The following HDAC9 variants were observed in gnomAD, a reference collection of about 807,000 sequenced individuals.
HDAC9 encodes histone deacetylase 9.
Under a neutral mutation model 139.4 loss-of-function variants are expected in HDAC9, and 41 were observed. The observed-to-expected ratio is 0.29, with a 90% CI of 0.23 to 0.38. HDAC9 has a LOEUF of 0.38. Ranked by LOEUF, HDAC9 falls within the 10% of genes least tolerant of loss-of-function variation. The pLI is 1.00. For synonymous variants in HDAC9, 517 were observed against 476.2 expected, an observed-to-expected ratio of 1.09 and a Z score of -1.12; for missense variants, 1,147 against 1,297.0, an observed-to-expected ratio of 0.88 and a Z score of 1.78.
At chr7:18,657,673 C>T (rs1043670295) in intron 11 of HDAC9, among the ~76,000 whole-genome samples, 4 of 152,144 alleles carry the variant, frequency 2.6e-5, no homozygotes, top group African/African-American at 9.7e-5. Context: ...AAGAATTCCA[C>T]ACTCTTGCTG....
intron 2 of HDAC9, among the ~76,000 whole-genome samples, chr7:18,182,680 T>C (rs888168780): frequency 7.9e-5 from 12 of 152,226 alleles, no homozygotes; most frequent in African/African-American, 2.7e-4. Context: ...GAGGGGTTAG[T>C]TATCTTGCTC....
intron 1 of HDAC9, among the ~76,000 whole-genome samples, chr7:18,429,998 A>G (rs1252972421): frequency 1.3e-5 from 2 of 152,224 alleles, no homozygotes; most frequent in Non-Finnish European, 2.9e-5. Flanking sequence ...CATTTCATAC[A>G]TTAGGTATTT....
chr7:18,956,940 G>A (rs138579511), intron 24 of HDAC9, among the ~76,000 whole-genome samples: 181 of 152,202 alleles, frequency 1.2e-3, no homozygotes, highest in African/African-American at 4.0e-3. Context: ...TTCTTACTGC[G>A]TTTTAAAGAA....
chr7:18,565,367 T>G (rs1821964461), intron 2 of HDAC9, among the ~76,000 whole-genome samples: 1 of 152,206 alleles, frequency 6.6e-6, no homozygotes, highest in Non-Finnish European at 1.5e-5. Context: ...AATCCAAATA[T>G]TTTTCAAAGG....
At chr7:18,362,563 G>A (rs980270915) in intron 1 of HDAC9, among the ~76,000 whole-genome samples, 2 of 152,194 alleles carry the variant, frequency 1.3e-5, no homozygotes, top group East Asian at 3.9e-4. Flanking sequence ...AATGTTAAGT[G>A]TACTAGCAGT....
intron 1 of HDAC9, among the ~76,000 whole-genome samples, chr7:18,343,573 A>G (rs1014317573): frequency 4.6e-5 from 7 of 151,726 alleles, no homozygotes; most frequent in Admixed American, 3.3e-4. Flanking sequence ...ACTCAAAATT[A>G]AAACAGAAAT....
intron 6 of HDAC9, among the ~76,000 whole-genome samples, chr7:18,616,160 T>C (rs903051585): frequency 7.2e-5 from 11 of 152,176 alleles, no homozygotes; most frequent in African/African-American, 2.7e-4. Flanking sequence ...TCCAAGTTAA[T>C]CTTTTTTAAG....
intron 12 of HDAC9, among the ~76,000 whole-genome samples, chr7:18,669,291 T>C (rs978866920): frequency 1.3e-5 from 2 of 151,880 alleles, no homozygotes; most frequent in African/African-American, 4.8e-5. Flanking sequence ...CCAAGTGTCG[T>C]AATAATTATG....
rs75212640 is a variant in HDAC9, at chr7:18,175,557, G to T, written c.25+13208G>T. Among the ~76,000 whole-genome samples, 863 of 152,248 alleles carry T rather than the reference G, an allele frequency of 5.7e-3. 4 individuals are homozygous for T. Among genetic ancestry groups the T allele is most frequent in the African/African-American group, 0.02 (828 of 41,556 alleles). Reference sequence around the variant, plus strand: ...TTCTGTGTTGATCACGATGGGAGCTGCAGACTGGAGCTGTTCCTATTTGGC... The same window carrying T: ...TTCTGTGTTGATCACGATGGGAGCTTCAGACTGGAGCTGTTCCTATTTGGC... On this transcript the variant is annotated intron_variant, in intron 2 of 12. Transcript: ENST00000417496.
chr7:18,496,471 CT>C, intron 2 of HDAC9, 147 bp downstream of exon 2: 1 of 653,226 alleles, frequency 1.5e-6, no homozygotes, highest in Non-Finnish European at 2.7e-6. Flanking sequence ...TAGGGTTTAA[CT>C]TAGATCCCTT....
chr7:18,935,978 G>T (rs1781601270), intron 23 of HDAC9, 36 bp downstream of exon 23: 2 of 1,591,900 alleles, frequency 1.3e-6, no homozygotes, highest in African/African-American at 2.7e-5. Context: ...CAGGGGTAAA[G>T]AATCAGGGAT....
At chr7:18,443,804 G>GTA (rs1191271956) in intron 1 of HDAC9, among the ~76,000 whole-genome samples, 4 of 150,780 alleles carry the variant, frequency 2.7e-5, no homozygotes, top group African/African-American at 7.3e-5. Flanking sequence ...GTGTGTGTGT[G>GTA]TATATATATA....
intron 14 of HDAC9, among the ~76,000 whole-genome samples, chr7:18,759,637 A>G (rs138629825): frequency 6.6e-6 from 1 of 152,294 alleles, no homozygotes; most frequent in East Asian, 1.9e-4. Context: ...TGCTTGAATC[A>G]TCCTGAAGCC....
intron 15 of HDAC9, among the ~76,000 whole-genome samples, chr7:18,764,970 C>G (rs141874152): frequency 1.5e-3 from 228 of 152,260 alleles, no homozygotes; most frequent in African/African-American, 5.3e-3. Context: ...TTTAAATACT[C>G]TAGACCCTGT....
chr7:18,792,100 T>C (rs894792555), intron 16 of HDAC9, among the ~76,000 whole-genome samples: 23 of 152,286 alleles, frequency 1.5e-4, no homozygotes, highest in African/African-American at 5.5e-4. Context: ...TTTATTATTT[T>C]TGTATTCATT....
intron 1 of HDAC9, among the ~76,000 whole-genome samples, chr7:18,394,879 A>G (rs1443671466): frequency 6.6e-6 from 1 of 152,148 alleles, no homozygotes; most frequent in African/African-American, 2.4e-5. Flanking sequence ...TTACCTATGT[A>G]TTTATTAAAT....
intron 2 of HDAC9, among the ~76,000 whole-genome samples, chr7:18,546,230 T>A (rs1814775024): frequency 6.6e-6 from 1 of 152,224 alleles, no homozygotes; most frequent in African/African-American, 2.4e-5. Context: ...ATCTTTTCAG[T>A]GTAAGAATAT....
chr7:18,601,895 T>C (rs916215046), intron 6 of HDAC9, among the ~76,000 whole-genome samples: 2 of 152,226 alleles, frequency 1.3e-5, no homozygotes, highest in Non-Finnish European at 2.9e-5. Context: ...TTTTAAAATC[T>C]ATATTCAGGA....
At chr7:18,091,557 A>T (rs1782147553) in intron 1 of HDAC9, among the ~76,000 whole-genome samples, 1 of 152,230 alleles carries the variant, frequency 6.6e-6, no homozygotes, top group South Asian at 2.1e-4. Context: ...CATCAAATAA[A>T]TTTATTAGAG....
Sources: allele counts gnomAD v4.1 joint callset (sites outside exome capture counted in the v4.1 genomes callset), GRCh38; gene constraint gnomAD v4.1.1; transcripts MANE v1.5; gene names NCBI Gene and HGNC (gene_info 2026-07-23, HGNC 2026-07-21).